Variants in SYT3 observed in about 807,000 individuals in gnomAD.
SYT3 encodes the protein synaptotagmin 3.
SYT3 carries 25 observed loss-of-function variants against 50.6 expected under a neutral mutation model. That is an observed-to-expected ratio of 0.49 (90% CI 0.36 to 0.69). SYT3 has a LOEUF of 0.69. Ranked by LOEUF, SYT3 falls within the 30% of genes least tolerant of loss-of-function variation. The pLI is 0.00. For missense variants in SYT3, 589 were observed against 793.6 expected (o/e 0.74, Z 3.10); for synonymous variants, 323 against 353.9 (o/e 0.91, Z 0.98).
At chr19:50,657,532 CT>C in the SYT3 span, among the ~76,000 whole-genome samples, 2 of 152,176 alleles carry the variant, frequency 1.3e-5, no homozygotes, top group African/African-American at 4.8e-5. Context: ...ATCAAAACCC[CT>C]ATGACCCTTA....
At chr19:50,629,167 A>T in intron 6 of SYT3, 127 bp downstream of exon 6, 1 of 772,508 alleles carries the variant, frequency 1.3e-6, no homozygotes, top group Non-Finnish European at 2.0e-6. Context: ...CCCCAGTGTG[A>T]TACATTTTAA....
At chr19:50,656,207 C>T in the SYT3 span, 5 of 1,536,056 alleles carry the variant, frequency 3.3e-6, no homozygotes, top group East Asian at 1.2e-4. Flanking sequence ...AGGTCCCTGC[C>T]TGTTCGCTCT....
rs1984537656 is a variant in SYT3 at position 50,637,553 on chromosome 19, A to G, written c.-15-127T>C. 1.3e-6 allele frequency: 1 copy of G among 751,680 alleles called. No individual in the cohort carries two copies. The highest frequency in any genetic ancestry group is 2.1e-6 in the Non-Finnish European group (1 of 476,320). 46.6% of individuals were successfully genotyped at this position (751,680 alleles called of 1,614,324 possible). A position where few individuals can be genotyped will look rare whatever the true frequency, so the allele number is the denominator to read the frequency against. ...GGAAGGATGGGCAAAGGGGACAGAG[A>G]TTAGGGGCAGATGGATTAGGGATGG... On this transcript the variant is annotated intron_variant, in intron 2 of 10. Coordinates refer to ENST00000600079, the MANE Select transcript of SYT3 (RefSeq NM_001160329.2). The surrounding 1 kb of genome is among the most constrained non-coding windows in gnomAD (Gnocchi z 4.9).
chr19:50,653,302 G>A, the SYT3 span, among the ~76,000 whole-genome samples: 2 of 152,168 alleles, frequency 1.3e-5, no homozygotes, highest in African/African-American at 4.8e-5. Flanking sequence ...GCATCCCAAA[G>A]TGCTGGGATT....
At position 50,625,734 on chromosome 19, in the gene SYT3, G is replaced by A. The variant is rs919734898; in HGVS notation, c.1402+163C>T. On this transcript the variant is annotated intron_variant, in intron 7 of 10. Coordinates refer to ENST00000600079, the MANE Select transcript of SYT3 (RefSeq NM_001160329.2). The surrounding 1 kb of genome is among the most constrained non-coding windows in gnomAD (Gnocchi z 7.5). ...CCAGACCCCAGGTCCTCCTCTCTCC[G>A]ACCCAGGAGTCCAGGCCCCTGGCCC... 8.3e-6 allele frequency among the ~76,000 whole-genome samples: 1 copy of A among 120,240 alleles called. No individual in the cohort carries two copies. Among genetic ancestry groups the A allele is most frequent in the African/African-American group, 2.8e-5 (1 of 35,342 alleles). 78.9% of individuals were successfully genotyped at this position (120,240 alleles called of 152,430 possible). A position where few individuals can be genotyped will look rare whatever the true frequency, so the allele number is the denominator to read the frequency against.
At chr19:50,642,427 A>G (rs545719848), upstream of SYT3, among the ~76,000 whole-genome samples, 6 of 152,390 alleles carry the variant, frequency 3.9e-5, no homozygotes, top group African/African-American at 1.4e-4. Flanking sequence ...GGGGCAGAGC[A>G]CTGGGATTCA....
chr19:50,626,046 C>T, intron 6 of SYT3, 29 bp from the exon 7 acceptor site: 1 of 1,608,242 alleles, frequency 6.2e-7, no homozygotes, highest in Non-Finnish European at 8.5e-7. Flanking sequence ...TCAGCGATAT[C>T]TTGCCTCAGC....
At position 50,625,764 on chromosome 19, in the gene SYT3, TCCCTC is replaced by T; in HGVS notation, c.1402+128_1402+132del. 1.7e-5 allele frequency: 13 copies of T among 764,124 alleles called. No individual in the cohort carries two copies. The highest frequency in any genetic ancestry group is 8.6e-5 in the South Asian group (5 of 58,438). The allele number at this position is 764,124 out of a possible 1,614,324, so 47.3% of individuals were successfully genotyped here. A position where few individuals can be genotyped will look rare whatever the true frequency, so the allele number is the denominator to read the frequency against. Reference sequence around the variant, plus strand: ...AGGAGTCCAGGCCCCTGGCCCCTCCTCCCTCAGACCCAGGAGTCCAGATCCCCAGC... The same window carrying T: ...AGGAGTCCAGGCCCCTGGCCCCTCCTAGACCCAGGAGTCCAGATCCCCAGC... On this transcript the variant is annotated intron_variant, in intron 7 of 10. Coordinates refer to ENST00000600079, the MANE Select transcript of SYT3 (RefSeq NM_001160329.2). The surrounding 1 kb of genome is among the most constrained non-coding windows in gnomAD (Gnocchi z 7.5).
At chr19:50,650,742 G>A in the SYT3 span, among the ~76,000 whole-genome samples, 1 of 152,206 alleles carries the variant, frequency 6.6e-6, no homozygotes, top group Non-Finnish European at 1.5e-5. Flanking sequence ...TGAGCTCCTG[G>A]CTCAAGTGAT....
At chr19:50,646,872 C>A in the SYT3 span, among the ~76,000 whole-genome samples, 1 of 151,710 alleles carries the variant, frequency 6.6e-6, no homozygotes, top group African/African-American at 2.4e-5. Flanking sequence ...GCTTTGTCGC[C>A]CAGGCTGGAG....
At chr19:50,653,698 A>G in the SYT3 span, among the ~76,000 whole-genome samples, 584 of 134,092 alleles carry the variant, frequency 4.4e-3, 6 homozygotes, top group African/African-American at 0.019. Flanking sequence ...ACACACACAC[A>G]CACACACACA....
chr19:50,625,152 C>CCCT lies in SYT3; in HGVS notation c.1707+7_1707+9dup. 2 of 1,574,256 alleles carry CCCT rather than the reference C, an allele frequency of 1.3e-6. No homozygotes were observed. The highest frequency in any genetic ancestry group is 1.7e-6 in the Non-Finnish European group (2 of 1,166,432). On this transcript the variant is annotated intron_variant, in intron 9 of 10. Transcript: ENST00000600079. This position sits in a 1 kb window ranked among gnomAD's most constrained non-coding sequence, Gnocchi z 7.5. ...TGCTTGTCAGGGGTCGGTGTGGGAC[C>CCCT]CCTACTCACCTCCACTAGCTGATGC...
Position 50,632,395 on chromosome 19 carries a change from G to T in SYT3, c.565C>A (p.Pro189Thr). The change falls in exon 4 of 11, where the codon CCC becomes ACC. Residue 189 changes from proline to threonine, a missense_variant. Pro to Thr is a conservative substitution (Grantham distance 38). Around this residue, in one of 2 missense-constraint regions of SYT3, gnomAD observed 316 missense variants for 354.3 expected, o/e 0.89. Transcript: ENST00000600079. The surrounding 1 kb of genome is among the most constrained non-coding windows in gnomAD (Gnocchi z 4.7). ...VKPSQTSPELPSEGGAGSGLL... is the reference protein window; with the variant it reads ...VKPSQTSPELTSEGGAGSGLL... ...CCAGAGCCTGCTCCCCCCTCAGAGG[G>T]CAGCTCAGGGGATGTTTGGCTCGGT... 1 of 1,613,576 alleles carries T rather than the reference G, an allele frequency of 6.2e-7. No homozygotes were observed. Among genetic ancestry groups the T allele is most frequent in the East Asian group, 2.2e-5 (1 of 44,866 alleles).
Position 50,632,892 on chromosome 19 carries a change from C to G in SYT3, c.149-81G>C, listed in dbSNP as rs1028255942. ...CTCTGCTGTCCCCAAAGAGTTAACC[C>G]TTCATATTTGCCATGCAATTGTCCA... On this transcript the variant is annotated intron_variant, in intron 3 of 10. Transcript: ENST00000600079. The surrounding 1 kb of genome is among the most constrained non-coding windows in gnomAD (Gnocchi z 4.7). 1 of 1,221,710 alleles carries G rather than the reference C, an allele frequency of 8.2e-7. No homozygotes were observed. The highest frequency in any genetic ancestry group is 1.1e-6 in the Non-Finnish European group (1 of 922,338). 75.7% of individuals were successfully genotyped at this position (1,221,710 alleles called of 1,614,324 possible). A position where few individuals can be genotyped will look rare whatever the true frequency, so the allele number is the denominator to read the frequency against.
In SYT3 at chr19:50,637,301, A is replaced by T. The variant is rs1984526643; in HGVS notation, c.111T>A (p.Asn37Lys). 1 of 1,613,522 alleles carries T rather than the reference A, an allele frequency of 6.2e-7. No homozygotes were observed. Among genetic ancestry groups the T allele is most frequent in the Non-Finnish European group, 8.5e-7 (1 of 1,179,964 alleles). Residue 37 changes from asparagine (N) to lysine (K), a missense_variant, in exon 3 of 11, where the codon AAT becomes AAA. Coordinates refer to ENST00000600079, the MANE Select transcript of SYT3 (RefSeq NM_001160329.2). The surrounding 1 kb of genome is among the most constrained non-coding windows in gnomAD (Gnocchi z 4.9). ...CCCGGGGATAGCCTCGGATTCGGTCATTGAACTCCTGGCACCTGTCGTTGG... is the reference window on the plus strand; with the variant it reads ...CCCGGGGATAGCCTCGGATTCGGTCTTTGAACTCCTGGCACCTGTCGTTGG... ...ADTNDRCQEF[N>K]DRIRGYPRGP...
chr19:50,625,777 GGA>G lies in SYT3; in HGVS notation c.1402+118_1402+119del. ...CCTGGCCCCTCCTCCCTCAGACCCA[GGA>G]GTCCAGATCCCCAGCTCCTCCTCCC... On this transcript the variant is annotated intron_variant, in intron 7 of 10. Coordinates refer to ENST00000600079, the MANE Select transcript of SYT3 (RefSeq NM_001160329.2). The surrounding 1 kb of genome is among the most constrained non-coding windows in gnomAD (Gnocchi z 7.5). 9.4e-6 allele frequency: 3 copies of G among 318,994 alleles called. 1 individual carries two copies. The highest frequency in any genetic ancestry group is 1.6e-4 in the Admixed American group (2 of 12,268). The allele number at this position is 318,994 out of a possible 1,614,324, so 19.8% of individuals were successfully genotyped here. A position where few individuals can be genotyped will look rare whatever the true frequency, so the allele number is the denominator to read the frequency against.
chr19:50,630,196 A>G, intron 4 of SYT3, 25 bp from the exon 5 acceptor site: 1 of 1,490,890 alleles, frequency 6.7e-7, no homozygotes, highest in Non-Finnish European at 8.9e-7. Flanking sequence ...GGGGAGACCA[A>G]GGTGAGGTCA....
chr19:50,642,555 T>TG (rs1984698424), upstream of SYT3, among the ~76,000 whole-genome samples: 1 of 152,232 alleles, frequency 6.6e-6, no homozygotes, highest in African/African-American at 2.4e-5. Flanking sequence ...ATACTCTGGC[T>TG]GGGTGCAGTG....
chr19:50,637,380 C>T lies in SYT3; in HGVS notation c.32G>A (p.Arg11Gln), dbSNP rs768504157. The T allele has an allele frequency of 8.1e-6, 13 of 1,608,616 alleles. No homozygotes were observed. Among genetic ancestry groups the T allele is most frequent in the Non-Finnish European group, 1.1e-5 (13 of 1,177,572 alleles). MSGDYEDDLC[R>Q]RALILVSDLC... The stretch of plus-strand genomic sequence containing the variant: ...GTCCGAGACCAGGATGAGTGCCCGC[C>T]GGCAGAGGTCATCCTCGTAGTCTCC... Residue 11 changes from arginine to glutamine, a missense_variant, in exon 3 of 11, where the codon CGG becomes CAG. Arg to Gln is a conservative substitution (Grantham distance 43). Around this residue, in one of 2 missense-constraint regions of SYT3, gnomAD observed 316 missense variants for 354.3 expected, o/e 0.89. Transcript: ENST00000600079. This position sits in a 1 kb window ranked among gnomAD's most constrained non-coding sequence, Gnocchi z 4.9.
Sources: gnomAD v4.1 joint callset for allele counts (sites outside exome capture counted in the v4.1 genomes callset) on GRCh38, gnomAD v4.1.1 for gene constraint, gnomAD v4.1.1 regional missense constraint, Gnocchi (gnomAD v3.1) non-coding constraint, MANE v1.5 for transcripts, NCBI Gene and HGNC (gene_info 2026-07-23, HGNC 2026-07-21) for gene names.